Variants in KCNN2 observed in about 807,000 individuals in gnomAD.
KCNN2 encodes the protein potassium calcium-activated channel subfamily N member 2.
In KCNN2, 24 loss-of-function variants were observed where a neutral mutation model predicts 55.5. That is an observed-to-expected ratio of 0.43 (90% confidence interval 0.31 to 0.61). KCNN2 has a LOEUF of 0.61. Ranked by LOEUF, KCNN2 falls within the 20% of genes least tolerant of loss-of-function variation. The pLI is 0.08. For synonymous variants in KCNN2, 431 were observed against 336.1 expected (o/e 1.28, Z -3.09); for missense variants, 754 against 853.6 (o/e 0.88, Z 1.45).
intron 1 of KCNN2, among the ~76,000 whole-genome samples, chr5:114,165,771 A>G (rs984953062): frequency 6.6e-6 from 1 of 152,162 alleles, no homozygotes; most frequent in Non-Finnish European, 1.5e-5. Context: ...AACATACAAA[A>G]TATGTATTAT....
rs138572352 is a variant in KCNN2, at chr5:114,363,990, A to C, written c.1207A>C (p.Arg403=). Residue 403 remains arginine (R), a synonymous_variant, in exon 2 of 8, where the codon AGG becomes CGG. Coordinates refer to ENST00000673685, the MANE Select transcript of KCNN2 (RefSeq NM_021614.4). ...CGGTCTGATCATCGTGTACCACGCC[A>C]GGGAAATACAGGTAACTTAGGTCCT... is the stretch of plus-strand genomic sequence containing the variant. The part of the protein sequence containing the change: ...LLGLIIVYHA[R]EIQLFMVDNG... 9.5e-5 allele frequency: 154 copies of C among 1,612,672 alleles called. No individual in the cohort carries two copies. The African/African-American group carries it at 1.8e-3, about 19-fold the overall frequency.
At chr5:114,461,772 G>T (rs1410372177) in intron 3 of KCNN2, among the ~76,000 whole-genome samples, 2 of 152,064 alleles carry the variant, frequency 1.3e-5, no homozygotes, top group African/African-American at 4.8e-5. Flanking sequence ...TCCAGTGTAG[G>T]TTGCATATAG....
chr5:114,295,442 T>A (rs886460295), intron 2 of KCNN2, among the ~76,000 whole-genome samples: 6 of 152,178 alleles, frequency 3.9e-5, no homozygotes, highest in Admixed American at 2.6e-4. Context: ...ACCTTGCAGT[T>A]TGATCTCAGA....
intron 1 of KCNN2, among the ~76,000 whole-genome samples, chr5:114,163,493 G>A (rs183900902): frequency 0.011 from 1,700 of 152,228 alleles, 15 homozygotes; most frequent in Non-Finnish European, 0.016. Flanking sequence ...AATTTTTAAT[G>A]TGAATGGATA....
intron 2 of KCNN2, among the ~76,000 whole-genome samples, chr5:114,347,110 A>T (rs1022207148): frequency 6.6e-6 from 1 of 152,262 alleles, no homozygotes; most frequent in African/African-American, 2.4e-5. Context: ...TAATTTAGCT[A>T]ATCAATATAG....
chr5:114,430,923 C>A (rs1421884723), intron 3 of KCNN2, among the ~76,000 whole-genome samples: 1 of 152,002 alleles, frequency 6.6e-6, no homozygotes, highest in Non-Finnish European at 1.5e-5. Context: ...TTGAACTAGC[C>A]TTGTATGCTC....
At chr5:114,320,829 A>C (rs1756601333) in intron 2 of KCNN2, among the ~76,000 whole-genome samples, 1 of 152,138 alleles carries the variant, frequency 6.6e-6, no homozygotes, top group Non-Finnish European at 1.5e-5. Context: ...GTTTGTTTTT[A>C]GTTGATGCTA....
intron 3 of KCNN2, among the ~76,000 whole-genome samples, chr5:114,421,260 A>G (rs1171699308): frequency 2.0e-5 from 3 of 151,172 alleles, no homozygotes; most frequent in African/African-American, 7.3e-5. Context: ...TTAGGTGTTA[A>G]GACAAATTTA....
chr5:114,202,585 A>ATTTTT (rs34199170), intron 1 of KCNN2, among the ~76,000 whole-genome samples: 13,052 of 92,064 alleles, frequency 0.14, 1,449 homozygotes, highest in South Asian at 0.27. Flanking sequence ...ATATATATAT[A>ATTTTT]TTTTTTTTTT....
intron 1 of KCNN2, among the ~76,000 whole-genome samples, chr5:114,195,976 TGA>T (rs1240275780): frequency 6.6e-6 from 1 of 152,020 alleles, no homozygotes; most frequent in Admixed American, 6.6e-5. Context: ...TGATATGGTG[TGA>T]GAGAGGTCCT....
intron 2 of KCNN2, among the ~76,000 whole-genome samples, chr5:114,264,242 A>T (rs1283723286): frequency 6.6e-6 from 1 of 152,132 alleles, no homozygotes; most frequent in Non-Finnish European, 1.5e-5. Context: ...AGATGTGATC[A>T]TTAACAAAAT....
intron 1 of KCNN2, among the ~76,000 whole-genome samples, chr5:114,172,925 C>G (rs544535247): frequency 3.9e-5 from 6 of 151,918 alleles, no homozygotes; most frequent in Non-Finnish European, 7.4e-5. Context: ...TATGCAGAAG[C>G]TTTTTAACTT....
At chr5:114,470,763 T>C (rs1452687912) in intron 4 of KCNN2, among the ~76,000 whole-genome samples, 1 of 152,212 alleles carries the variant, frequency 6.6e-6, no homozygotes, top group East Asian at 1.9e-4. Context: ...TTTGACCCTC[T>C]TGTTTTAATA....
chr5:114,291,551 G>A (rs961077383), intron 2 of KCNN2, among the ~76,000 whole-genome samples: 3 of 151,824 alleles, frequency 2.0e-5, no homozygotes, highest in Non-Finnish European at 2.9e-5. Flanking sequence ...AGTATGCCAT[G>A]GTGTATATGT....
At chr5:114,065,577 C>A (rs1750427795) in intron 1 of KCNN2, among the ~76,000 whole-genome samples, 1 of 152,176 alleles carries the variant, frequency 6.6e-6, no homozygotes, top group African/African-American at 2.4e-5. Context: ...TTAGTATCAA[C>A]ATAAATGCAA....
At chr5:114,455,570 C>T (rs906498255) in intron 3 of KCNN2, among the ~76,000 whole-genome samples, 4 of 152,140 alleles carry the variant, frequency 2.6e-5, no homozygotes, top group South Asian at 2.1e-4. Context: ...AGAAGGATTG[C>T]GTATCTCTCA....
At position 114,192,184 on chromosome 5, in the gene KCNN2, T is replaced by C. The variant is rs187702890; in HGVS notation, c.-270-29296T>C. 5.3e-5 allele frequency among the ~76,000 whole-genome samples: 8 copies of C among 152,294 alleles called. No individual in the cohort carries two copies. In the East Asian group the frequency reaches 1.5e-3, roughly 29 times the overall value. ...CCATTTTTGACAAATTCTATTATAT[T>C]GACATTACTAAATGATACTCACATT... On this transcript the variant is annotated intron_variant, in intron 1 of 10. Transcript: ENST00000512097.
At position 114,265,622 on chromosome 5, in the gene KCNN2, T is replaced by C. The variant is rs571727066; in HGVS notation, c.-185+44057T>C. On this transcript the variant is annotated intron_variant, in intron 2 of 10. Coordinates refer to the KCNN2 transcript ENST00000512097. ...GCCTTTGTATTCTTTGGTCTTTGAT[T>C]GTTGGATGAGGCCCACCCACATAAG... 4.6e-5 allele frequency among the ~76,000 whole-genome samples: 7 copies of C among 152,194 alleles called. No homozygotes were observed. In the South Asian group the frequency reaches 1.5e-3, roughly 32 times the overall value.
At chr5:114,100,460 T>C (rs1751350355) in intron 1 of KCNN2, among the ~76,000 whole-genome samples, 1 of 152,112 alleles carries the variant, frequency 6.6e-6, no homozygotes, top group South Asian at 2.1e-4. Flanking sequence ...GAACTAAGTA[T>C]ATTGTTCATG....
Sources: gnomAD v4.1 joint callset for allele counts (sites outside exome capture counted in the v4.1 genomes callset) on GRCh38, gnomAD v4.1.1 for gene constraint, MANE v1.5 for transcripts, NCBI Gene and HGNC (gene_info 2026-07-23, HGNC 2026-07-21) for gene names.